The following FBXO11 variants were observed in gnomAD, a reference collection of about 807,000 sequenced individuals.
FBXO11 encodes the protein F-box only protein 11.
A neutral mutation model predicts 117.0 loss-of-function variants in FBXO11; 13 were observed. That is an observed-to-expected ratio of 0.11 (90% CI 0.07 to 0.18). FBXO11 has a LOEUF of 0.18. FBXO11 is among the 10% of genes least tolerant of loss of function. FBXO11 has a pLI of 1.00. For missense variants in FBXO11, 767 were observed against 1,164.4 expected (o/e 0.66, Z 4.97); for synonymous variants, 490 against 380.5 (o/e 1.29, Z -3.35).
intron 1 of FBXO11, among the ~76,000 whole-genome samples, chr2:47,890,814 A>G (rs534438800): frequency 6.7e-6 from 1 of 150,272 alleles, no homozygotes; most frequent in South Asian, 2.1e-4. Context: ...AAAAAAAGAA[A>G]AAAAAAAATA....
intron 1 of FBXO11, among the ~76,000 whole-genome samples, chr2:47,900,509 A>G (rs937576655): frequency 1.3e-5 from 2 of 149,978 alleles, no homozygotes; most frequent in African/African-American, 4.9e-5. Context: ...TATTATAAAT[A>G]TACAGCTCAT....
intron 14 of FBXO11, 58 bp downstream of exon 14, chr2:47,820,304 C>T: frequency 7.3e-7 from 1 of 1,374,078 alleles, no homozygotes; most frequent in African/African-American, 1.4e-5. Flanking sequence ...GAGGAGAAAC[C>T]CTTTATCCCC....
At chr2:47,904,062 T>G (rs1678541255) in intron 1 of FBXO11, among the ~76,000 whole-genome samples, 1 of 152,228 alleles carries the variant, frequency 6.6e-6, no homozygotes, top group African/African-American at 2.4e-5. Context: ...GGTGAAAGCC[T>G]TTTAAACTAT....
intron 1 of FBXO11, among the ~76,000 whole-genome samples, chr2:47,886,863 T>C (rs188192253): frequency 2.0e-5 from 3 of 150,656 alleles, no homozygotes; most frequent in African/African-American, 7.5e-5. Context: ...ATGAGACCCC[T>C]GTCTCTACCA....
chr2:47,852,068 T>C (rs1204158400), intron 1 of FBXO11, among the ~76,000 whole-genome samples: 1 of 151,124 alleles, frequency 6.6e-6, no homozygotes, highest in Non-Finnish European at 1.5e-5. Flanking sequence ...CTTGGCTCAC[T>C]GCAACCTCCA....
intron 21 of FBXO11, chr2:47,808,663 C>T (rs1670394684): frequency 2.4e-6 from 1 of 410,594 alleles, no homozygotes; most frequent in Non-Finnish European, 4.3e-6. Flanking sequence ...CAGTTCTTTC[C>T]ACTTTAAAAG....
chr2:47,876,516 A>C (rs1676016320), intron 1 of FBXO11, among the ~76,000 whole-genome samples: 1 of 152,232 alleles, frequency 6.6e-6, no homozygotes, highest in Non-Finnish European at 1.5e-5. Context: ...AATAGTTTAA[A>C]TGAGTATAGA....
intron 21 of FBXO11, 190 bp from the exon 22 acceptor site, chr2:47,808,617 G>A (rs971239242): frequency 1.4e-5 from 7 of 504,436 alleles, no homozygotes; most frequent in Admixed American, 3.7e-5. Flanking sequence ...CTGTGTCTTC[G>A]GAGGGAAGAG....
intron 4 of FBXO11, among the ~76,000 whole-genome samples, chr2:47,836,596 G>A (rs1171033160): frequency 1.3e-5 from 2 of 151,856 alleles, no homozygotes; most frequent in East Asian, 1.9e-4. Context: ...GATTACAGGC[G>A]TGAGCCACCA....
chr2:47,870,736 A>G (rs1207371739), intron 1 of FBXO11, among the ~76,000 whole-genome samples: 1 of 152,230 alleles, frequency 6.6e-6, no homozygotes, highest in Non-Finnish European at 1.5e-5. Flanking sequence ...GCAGTTTGAT[A>G]TGGTAGCACT....
intron 16 of FBXO11, 45 bp downstream of exon 16, chr2:47,818,734 C>A (rs756741826): frequency 7.1e-7 from 1 of 1,404,046 alleles, no homozygotes; most frequent in Admixed American, 2.2e-5. Context: ...ACCCCACATA[C>A]TCCTAACTCC....
intron 16 of FBXO11, among the ~76,000 whole-genome samples, chr2:47,815,581 C>T (rs1435835007): frequency 6.6e-6 from 1 of 152,214 alleles, no homozygotes; most frequent in South Asian, 2.1e-4. Flanking sequence ...TGAGCCCTGA[C>T]AGCAGGTCCT....
intron 16 of FBXO11, among the ~76,000 whole-genome samples, chr2:47,817,533 C>T (rs1195694685): frequency 1.3e-5 from 2 of 152,190 alleles, no homozygotes; most frequent in Non-Finnish European, 2.9e-5. Flanking sequence ...GCTAACTGGA[C>T]AAGAGGCCTA....
chr2:47,855,400 G>C (rs1275877114), intron 1 of FBXO11, among the ~76,000 whole-genome samples: 4 of 151,884 alleles, frequency 2.6e-5, no homozygotes, highest in African/African-American at 9.7e-5. Context: ...CAGGCTTGTA[G>C]GTAGACTCAT....
chr2:47,820,664 C>T (rs1671315273), intron 13 of FBXO11, among the ~76,000 whole-genome samples: 1 of 152,230 alleles, frequency 6.6e-6, no homozygotes, highest in South Asian at 2.1e-4. Flanking sequence ...CGAGCTGCCA[C>T]ATTTTGAATC....
intron 1 of FBXO11, among the ~76,000 whole-genome samples, chr2:47,854,015 C>T (rs1161266250): frequency 1.3e-5 from 2 of 152,118 alleles, no homozygotes; most frequent in Non-Finnish European, 2.9e-5. Flanking sequence ...AATACTGTTC[C>T]CTTTAAAGTA....
chr2:47,829,264 A>AT (rs976061077), intron 11 of FBXO11, among the ~76,000 whole-genome samples: 2 of 146,998 alleles, frequency 1.4e-5, no homozygotes, highest in Non-Finnish European at 3.0e-5. Context: ...TTTTTGAGAC[A>AT]GAGTCTTGCT....
At chr2:47,875,205 C>T (rs1675911342) in intron 1 of FBXO11, among the ~76,000 whole-genome samples, 1 of 152,094 alleles carries the variant, frequency 6.6e-6, no homozygotes, top group South Asian at 2.1e-4. Context: ...TTGTATTCTT[C>T]TCCTACATAA....
At chr2:47,808,778 T>A (rs1339629891) in intron 21 of FBXO11, 1 of 266,840 alleles carries the variant, frequency 3.7e-6, no homozygotes, top group African/African-American at 2.2e-5. Flanking sequence ...CATCTTTACC[T>A]TGAAATTTCT....
Sources: allele counts gnomAD v4.1 joint callset (sites outside exome capture counted in the v4.1 genomes callset), GRCh38; gene constraint gnomAD v4.1.1; transcripts MANE v1.5; gene names NCBI Gene and HGNC (gene_info 2026-07-23, HGNC 2026-07-21).